Variants in LIPF observed in about 807,000 individuals in gnomAD.
LIPF encodes gastric triacylglycerol lipase.
LIPF carries 25 observed loss-of-function variants against 38.0 expected under a neutral mutation model. That is an observed-to-expected ratio of 0.66 (90% CI 0.48 to 0.92). The LOEUF (loss-of-function observed/expected upper bound fraction) is 0.92, where lower values mean the gene tolerates loss of function less well. LIPF is among the 40% of genes least tolerant of loss of function. LIPF has a pLI of 0.00. For missense variants in LIPF, 410 were observed against 469.9 expected (o/e 0.87, Z 1.18); for synonymous variants, 161 against 156.2 (o/e 1.03, Z -0.23).
At chr10:88,675,547 C>G (rs1841671703) in intron 7 of LIPF, 39 bp from the exon 8 acceptor site, 1 of 1,405,604 alleles carries the variant, frequency 7.1e-7, no homozygotes, top group African/African-American at 1.4e-5. Flanking sequence ...GAGTATGTGT[C>G]TTAGTATGTA....
chr10:88,670,104 G>A (rs575422477), intron 5 of LIPF, among the ~76,000 whole-genome samples, 158 bp downstream of exon 5: 120 of 152,214 alleles, frequency 7.9e-4, no homozygotes, highest in Middle Eastern at 3.4e-3. Context: ...TATTATATGG[G>A]AAAACAAAAC....
At chr10:88,674,729 T>C (rs1841659748) in intron 7 of LIPF, among the ~76,000 whole-genome samples, 1 of 152,196 alleles carries the variant, frequency 6.6e-6, no homozygotes, top group Admixed American at 6.5e-5. Context: ...AGTAATAGCA[T>C]ATAAGGTTTT....
chr10:88,665,419 A>C lies in LIPF; in HGVS notation c.-12+928A>C, dbSNP rs2134630822. 4.1e-6 allele frequency: 3 copies of C among 724,040 alleles called. No individual in the cohort carries two copies. The South Asian group carries it at 4.6e-5, about 11-fold the overall frequency. 44.9% of individuals were successfully genotyped at this position (724,040 alleles called of 1,614,324 possible). The stretch of plus-strand genomic sequence containing the variant: ...AGTTCATTTCACGTATACCATGTTG[A>C]ACACACAGTACAGCACACAGTGAGT... On this transcript the variant is annotated intron_variant, in intron 1 of 9. Transcript: ENST00000238983.
chr10:88,667,441 A>G (rs1841529843), intron 2 of LIPF, 39 bp downstream of exon 2: 1 of 1,237,622 alleles, frequency 8.1e-7, no homozygotes, highest in Admixed American at 1.9e-5. Flanking sequence ...AAACTAAAAG[A>G]TGCTATTATT....
chr10:88,672,903 T>C (rs573433960), intron 6 of LIPF, among the ~76,000 whole-genome samples: 1 of 152,298 alleles, frequency 6.6e-6, no homozygotes, highest in South Asian at 2.1e-4. Context: ...GCTACATTGA[T>C]TGAGAACTTA....
chr10:88,678,212 T>C (rs1289231057), intron 9 of LIPF, among the ~76,000 whole-genome samples: 2 of 152,228 alleles, frequency 1.3e-5, no homozygotes, highest in Admixed American at 1.3e-4. Flanking sequence ...ACAGAATTTT[T>C]ACTTCAACAA....
chr10:88,667,812 A>C, intron 3 of LIPF, 126 bp downstream of exon 3: 2 of 562,746 alleles, frequency 3.6e-6, no homozygotes, highest in Non-Finnish European at 6.4e-6. Flanking sequence ...TCCTCCTTTT[A>C]TTTCTTGCTA....
chr10:88,672,299 A>T (rs900286449), intron 6 of LIPF, among the ~76,000 whole-genome samples: 2 of 152,208 alleles, frequency 1.3e-5, no homozygotes, highest in Non-Finnish European at 2.9e-5. Context: ...TGAAATAAAA[A>T]CAAAACAAAA....
At chr10:88,677,145 CAAT>C (rs1426692210) in intron 9 of LIPF, among the ~76,000 whole-genome samples, 1 of 152,258 alleles carries the variant, frequency 6.6e-6, no homozygotes, top group East Asian at 1.9e-4. Flanking sequence ...GTTTTAACAA[CAAT>C]GTCTTATGTG....
chr10:88,670,409 A>T (rs1424074054), intron 5 of LIPF, among the ~76,000 whole-genome samples: 1 of 152,244 alleles, frequency 6.6e-6, no homozygotes, highest in African/African-American at 2.4e-5. Flanking sequence ...ATAATGCTAA[A>T]GCTATGGAGA....
chr10:88,673,871 C>A, intron 7 of LIPF, 137 bp downstream of exon 7: 1 of 694,620 alleles, frequency 1.4e-6, no homozygotes, highest in East Asian at 2.6e-5. Flanking sequence ...AGAGAAATCA[C>A]AAATCATTGC....
At chr10:88,669,555 T>A in intron 4 of LIPF, 1 of 256,196 alleles carries the variant, frequency 3.9e-6, no homozygotes, top group South Asian at 7.4e-5. Context: ...ACATTATTAT[T>A]AAATCTGACA....
At chr10:88,672,672 T>A (rs1653836) in intron 6 of LIPF, among the ~76,000 whole-genome samples, 5,074 of 104,844 alleles carry the variant, frequency 0.048, 86 homozygotes, top group South Asian at 0.15. Flanking sequence ...ACACACACAC[T>A]CTCTCTCTCT....
intron 9 of LIPF, among the ~76,000 whole-genome samples, chr10:88,677,715 T>A (rs1841709165): frequency 6.6e-6 from 1 of 152,178 alleles, no homozygotes; most frequent in South Asian, 2.1e-4. Context: ...TAAAAAAATC[T>A]AACAAAATTC....
chr10:88,674,208 A>G (rs1841648994), intron 7 of LIPF, among the ~76,000 whole-genome samples: 1 of 152,124 alleles, frequency 6.6e-6, no homozygotes, highest in Non-Finnish European at 1.5e-5. Flanking sequence ...TCTCGCTGTC[A>G]CCCAGGCTGG....
chr10:88,671,723 A>G, intron 5 of LIPF, 106 bp from the exon 6 acceptor site: 1 of 1,451,818 alleles, frequency 6.9e-7, no homozygotes. Context: ...TGTCTCAAAC[A>G]CCATCCTTAG....
intron 4 of LIPF, 166 bp downstream of exon 4, chr10:88,668,922 G>A: frequency 3.3e-6 from 2 of 612,970 alleles, no homozygotes; most frequent in Non-Finnish European, 2.8e-6. Context: ...TCATTCCTAG[G>A]GTAGCTTTTC....
At chr10:88,676,362 C>G (rs1841686549) in intron 9 of LIPF, 82 bp downstream of exon 9, 2 of 813,084 alleles carry the variant, frequency 2.5e-6, no homozygotes, top group African/African-American at 3.5e-5. Context: ...ATTATGTTAA[C>G]TGCGCATCTG....
At chr10:88,666,981 CTTT>C (rs373547759) in intron 1 of LIPF, among the ~76,000 whole-genome samples, 5 of 142,780 alleles carry the variant, frequency 3.5e-5, no homozygotes, top group Admixed American at 7.0e-5. Context: ...CAATTAGAGG[CTTT>C]TTTTTTTTGC....
Sources: allele counts gnomAD v4.1 joint callset (sites outside exome capture counted in the v4.1 genomes callset), GRCh38; gene constraint gnomAD v4.1.1; transcripts MANE v1.5; gene names NCBI Gene and HGNC (gene_info 2026-07-23, HGNC 2026-07-21).